Variants in NRXN1 observed in about 807,000 individuals in gnomAD.
NRXN1 encodes the protein neurexin 1, also known as neurexin-1.
A neutral mutation model predicts 150.9 loss-of-function variants in NRXN1; 39 were observed. The ratio of observed to expected loss-of-function variants is 0.26; its 90% CI spans 0.20 to 0.34. The LOEUF (loss-of-function observed/expected upper bound fraction) is 0.34, where lower values mean the gene tolerates loss of function less well. Ranked by LOEUF, NRXN1 falls within the 10% of genes least tolerant of loss-of-function variation. The probability of loss-of-function intolerance (pLI) is 1.00; values close to 1 mark genes in which losing one functional copy is unlikely to be tolerated. For missense variants in NRXN1, 1,815 were observed against 1,949.9 expected (o/e 0.93, Z 1.30); for synonymous variants, 924 against 757.0 (o/e 1.22, Z -3.62).
intron 8 of NRXN1, among the ~76,000 whole-genome samples, chr2:50,603,998 A>C (rs940327517): frequency 6.6e-6 from 1 of 152,090 alleles, no homozygotes; most frequent in Non-Finnish European, 1.5e-5. Flanking sequence ...GAAATATGTA[A>C]ATTTTGCTTG....
At position 49,994,225 on chromosome 2, in the gene NRXN1, C is replaced by G. The variant is rs911504266; in HGVS notation, c.4129-50434G>C. Among the ~76,000 whole-genome samples the G allele has an allele frequency of 2.0e-5, 3 of 152,232 alleles. No homozygotes were observed. The South Asian group carries it at 6.2e-4, about 32-fold the overall frequency. On this transcript the variant is annotated intron_variant, in intron 21 of 22. Coordinates refer to ENST00000401669, the MANE Select transcript of NRXN1 (RefSeq NM_001330078.2). ...ATGTGTTGATGACTCTGCAGACAAA[C>G]CTGGGCTTCTCTGGTGTGCTTTCTT...
intron 5 of NRXN1, among the ~76,000 whole-genome samples, chr2:50,892,701 C>T (rs570964914): frequency 2.4e-4 from 36 of 152,252 alleles, no homozygotes; most frequent in African/African-American, 7.2e-4. Context: ...ATAATATAAA[C>T]ATTCTTTACT....
chr2:50,373,969 G>A (rs952212749), intron 17 of NRXN1, among the ~76,000 whole-genome samples: 13 of 152,026 alleles, frequency 8.6e-5, no homozygotes, highest in African/African-American at 3.1e-4. Flanking sequence ...GGTAGAGATT[G>A]AAAGGGTTAG....
At chr2:50,778,069 CCT>C (rs1703878898) in intron 5 of NRXN1, among the ~76,000 whole-genome samples, 1 of 152,104 alleles carries the variant, frequency 6.6e-6, no homozygotes, top group East Asian at 1.9e-4. Context: ...CTCCTCCCCC[CCT>C]TTTTTCTTTA....
Position 50,091,366 on chromosome 2 carries a change from C to A in NRXN1, c.3675G>T (p.Thr1225=), listed in dbSNP as rs200179221. 2 of 1,614,206 alleles carry A rather than the reference C, an allele frequency of 1.2e-6. No homozygotes were observed. Among genetic ancestry groups the A allele is most frequent in the Admixed American group, 1.7e-5 (1 of 60,028 alleles). Residue 1225 remains threonine (T), a synonymous_variant, in exon 19 of 23, where the codon ACG becomes ACT. Transcript: ENST00000401669. ...VRFTRSGGNA[T]LQVDSWPVIE... is the part of the protein sequence containing the mutation. ...TCACTGGCCAGCTGTCCACCTGCAA[C>A]GTGGCATTGCCACCACTCCTCGTGA...
intron 5 of NRXN1, among the ~76,000 whole-genome samples, chr2:50,898,446 A>G (rs1487015537): frequency 6.6e-6 from 1 of 152,174 alleles, no homozygotes; most frequent in Non-Finnish European, 1.5e-5. Flanking sequence ...TAAAAAGGAC[A>G]CACTTTTCAA....
chr2:50,403,224 T>C (rs981650564), intron 17 of NRXN1, among the ~76,000 whole-genome samples: 2 of 152,046 alleles, frequency 1.3e-5, no homozygotes, highest in African/African-American at 4.8e-5. Flanking sequence ...TCTCTACTGG[T>C]TGGTAAACAG....
At chr2:50,599,351 C>G (rs930789232) in intron 8 of NRXN1, among the ~76,000 whole-genome samples, 4 of 152,064 alleles carry the variant, frequency 2.6e-5, no homozygotes, top group African/African-American at 9.7e-5. Context: ...ATAAATTGTG[C>G]CTTTAGAAGG....
chr2:49,962,992 A>C (rs910316117), intron 21 of NRXN1, among the ~76,000 whole-genome samples: 3 of 152,048 alleles, frequency 2.0e-5, no homozygotes, highest in Non-Finnish European at 2.9e-5. Flanking sequence ...AAATGAAAAC[A>C]AAATACAAAT....
At chr2:51,009,470 T>C (rs1044499728) in intron 2 of NRXN1, among the ~76,000 whole-genome samples, 8 of 151,868 alleles carry the variant, frequency 5.3e-5, no homozygotes, top group Admixed American at 2.0e-4. Flanking sequence ...ACAAAAGGAA[T>C]GGGAAGGAGG....
At chr2:50,921,969 A>C (rs781183053) in intron 4 of NRXN1, 89 bp from the exon 5 acceptor site, 6 of 661,898 alleles carry the variant, frequency 9.1e-6, no homozygotes, top group Non-Finnish European at 1.4e-5. Flanking sequence ...TATTATGAAC[A>C]TATGTAAAGC....
chr2:50,195,400 T>C (rs1203584918), intron 18 of NRXN1, among the ~76,000 whole-genome samples: 1 of 152,186 alleles, frequency 6.6e-6, no homozygotes, highest in South Asian at 2.1e-4. Flanking sequence ...AGTGCTTCAG[T>C]AGTAATTCTG....
intron 8 of NRXN1, among the ~76,000 whole-genome samples, chr2:50,566,400 C>T (rs943397497): frequency 6.3e-5 from 9 of 143,872 alleles, no homozygotes; most frequent in South Asian, 4.6e-4. Context: ...CGTGCCACCA[C>T]GCCCAGCTAT....
intron 5 of NRXN1, among the ~76,000 whole-genome samples, chr2:50,828,804 G>A (rs1431028322): frequency 6.6e-5 from 10 of 151,986 alleles, no homozygotes; most frequent in African/African-American, 1.9e-4. Context: ...AGGCAGAGAC[G>A]CTCCTCACTT....
intron 18 of NRXN1, among the ~76,000 whole-genome samples, chr2:50,135,130 G>A (rs957173824): frequency 4.6e-5 from 7 of 152,140 alleles, no homozygotes; most frequent in African/African-American, 1.4e-4. Context: ...AGAAAAGCAT[G>A]CTTACTGTTA....
chr2:50,799,762 G>A (rs1292321136), intron 5 of NRXN1, among the ~76,000 whole-genome samples: 1 of 152,102 alleles, frequency 6.6e-6, no homozygotes, highest in East Asian at 1.9e-4. Flanking sequence ...AGTAAGTTAG[G>A]TGTATTAAAT....
chr2:50,403,574 T>G (rs1034571244), intron 17 of NRXN1, among the ~76,000 whole-genome samples: 1 of 152,050 alleles, frequency 6.6e-6, no homozygotes, highest in Admixed American at 6.6e-5. Context: ...TTGGAGAAAT[T>G]AAATTAGAAG....
chr2:50,814,813 G>A (rs1355146207), intron 5 of NRXN1, among the ~76,000 whole-genome samples: 2 of 151,950 alleles, frequency 1.3e-5, no homozygotes, highest in Non-Finnish European at 2.9e-5. Context: ...TTATTATATT[G>A]AAATTCTGTA....
intron 21 of NRXN1, among the ~76,000 whole-genome samples, chr2:49,988,348 CTCTT>C (rs1681298276): frequency 6.6e-6 from 1 of 151,274 alleles, no homozygotes; most frequent in African/African-American, 2.4e-5. Context: ...GAAAAGAAGA[CTCTT>C]TCCTGCTAAA....
Sources: gnomAD v4.1 joint callset for allele counts (sites outside exome capture counted in the v4.1 genomes callset) on GRCh38, gnomAD v4.1.1 for gene constraint, MANE v1.5 for transcripts, NCBI Gene and HGNC (gene_info 2026-07-23, HGNC 2026-07-21) for gene names.